PCDHA9: variants seen among roughly 807,000 people sequenced by gnomAD.
PCDHA9 encodes the protein protocadherin alpha 9, also known as protocadherin alpha-9.
In PCDHA9, 62 loss-of-function variants were observed where a neutral mutation model predicts 62.0. The observed-to-expected ratio is 1.00, with a 90% CI of 0.81 to 1.23. The LOEUF (loss-of-function observed/expected upper bound fraction) is 1.23, where lower values mean the gene tolerates loss of function less well. Among genes scored for constraint, PCDHA9 ranks in the 50% most tolerant of loss-of-function variants. PCDHA9 has a pLI of 0.00. For missense variants in PCDHA9, 1,205 were observed against 1,249.8 expected (o/e 0.96, Z 0.54); for synonymous variants, 557 against 567.6 (o/e 0.98, Z 0.27).
chr5:140,877,236 C>T, intron 1 of PCDHA9: 8 of 1,613,686 alleles, frequency 5.0e-6, no homozygotes, highest in Non-Finnish European at 6.8e-6. Context: ...TGGGTGCGGG[C>T]CACGTGGTGG....
chr5:140,915,312 C>T (rs781796761), intron 1 of PCDHA9, among the ~76,000 whole-genome samples: 2 of 152,122 alleles, frequency 1.3e-5, no homozygotes, highest in Non-Finnish European at 2.9e-5. Flanking sequence ...TTACATACCA[C>T]AATTACAGTG....
intron 1 of PCDHA9, chr5:140,878,010 A>G: frequency 2.4e-6 from 2 of 839,980 alleles, no homozygotes; most frequent in Non-Finnish European, 3.4e-6. Flanking sequence ...GTCTAACATT[A>G]ATGAAGGAAA....
intron 1 of PCDHA9, among the ~76,000 whole-genome samples, chr5:140,893,580 G>C (rs555518122): frequency 1.5e-4 from 23 of 152,268 alleles, no homozygotes; most frequent in East Asian, 1.2e-3. Flanking sequence ...GTTTTTGCTT[G>C]TTTGGGAAAT....
intron 1 of PCDHA9, among the ~76,000 whole-genome samples, chr5:140,913,152 T>G (rs2076232515): frequency 6.6e-6 from 1 of 152,178 alleles, no homozygotes; most frequent in Admixed American, 6.5e-5. Context: ...ATAGTTTGAG[T>G]AGGATTGGTA....
At chr5:140,920,923 G>C (rs1229531762) in intron 1 of PCDHA9, among the ~76,000 whole-genome samples, 5 of 151,200 alleles carry the variant, frequency 3.3e-5, no homozygotes, top group African/African-American at 1.2e-4. Flanking sequence ...TCCAAGAGTA[G>C]GTGATCTAGC....
chr5:140,854,198 CT>C, intron 1 of PCDHA9: 1 of 547,978 alleles, frequency 1.8e-6, no homozygotes, highest in Non-Finnish European at 2.3e-6. Flanking sequence ...CTACTCCCTA[CT>C]TTTTATTCAA....
At chr5:140,855,951 G>A (rs923077189) in intron 1 of PCDHA9, 2 of 1,372,088 alleles carry the variant, frequency 1.5e-6, no homozygotes, top group South Asian at 1.4e-5. Context: ...CAGCCATTTC[G>A]ATAAAAAATA....
At chr5:140,872,016 C>T (rs2053445167) in intron 1 of PCDHA9, among the ~76,000 whole-genome samples, 1 of 152,182 alleles carries the variant, frequency 6.6e-6, no homozygotes, top group Non-Finnish European at 1.5e-5. Flanking sequence ...TGACCTGTAG[C>T]CTGGAACTGC....
Position 140,873,357 on chromosome 5 carries a change from G to T in PCDHA9, c.2394+22468G>T, listed in dbSNP as rs564914388. On this transcript the variant is annotated intron_variant, in intron 1 of 3. Coordinates refer to ENST00000532602, the MANE Select transcript of PCDHA9 (RefSeq NM_031857.2). ...TACTCATCTCCAGATGAAATTTTTG[G>T]AATAACTGAAGATCTTTTAAAGACT... Among the ~76,000 whole-genome samples the T allele has an allele frequency of 2.0e-5, 3 of 152,172 alleles. No individual in the cohort carries two copies. In the South Asian group the frequency reaches 6.2e-4, roughly 32 times the overall value.
Position 140,982,458 on chromosome 5 carries a change from T to C in PCDHA9, c.2454-17T>C, listed in dbSNP as rs1554244201. 1 of 1,613,996 alleles carries C rather than the reference T, an allele frequency of 6.2e-7. No homozygotes were observed. Among genetic ancestry groups the C allele is most frequent in the Non-Finnish European group, 8.5e-7 (1 of 1,179,964 alleles). ...ATTTATGATCTAACCGTTATCTGGG[T>C]CTGTGTGTTTATTCAGCTCTGTGCA... On this transcript the variant is annotated splice_polypyrimidine_tract_variant and intron_variant, in intron 2 of 3. Transcript: ENST00000532602.
At chr5:141,004,156 A>G (rs2098155888) in intron 3 of PCDHA9, among the ~76,000 whole-genome samples, 1 of 152,248 alleles carries the variant, frequency 6.6e-6, no homozygotes, top group Admixed American at 6.5e-5. Flanking sequence ...GACATTTTAT[A>G]GGCAAAGCCA....
At chr5:140,966,882 C>A (rs782464160) in intron 1 of PCDHA9, 1 of 1,589,690 alleles carries the variant, frequency 6.3e-7, no homozygotes, top group Non-Finnish European at 8.5e-7. Context: ...CTACCTGGCC[C>A]TGCGGCCTCC....
intron 1 of PCDHA9, chr5:140,862,721 C>T (rs1019011354): frequency 3.5e-6 from 2 of 566,878 alleles, no homozygotes; most frequent in Admixed American, 3.8e-5. Context: ...GGCGAGTGCG[C>T]GCTGTCTAGC....
intron 1 of PCDHA9, among the ~76,000 whole-genome samples, chr5:140,907,747 G>A (rs782672220): frequency 7.9e-5 from 12 of 152,172 alleles, no homozygotes; most frequent in Admixed American, 2.0e-4. Flanking sequence ...TGGCCACTTT[G>A]TTCATGGGCC....
At position 140,848,439 on chromosome 5, in the gene PCDHA9, G is replaced by T; in HGVS notation, c.-57G>T. 4 of 1,486,148 alleles carry T rather than the reference G, an allele frequency of 2.7e-6. No homozygotes were observed. The highest frequency in any genetic ancestry group is 2.5e-5 in the South Asian group (2 of 79,116). 92.1% of individuals were successfully genotyped at this position (1,486,148 alleles called of 1,614,324 possible). On this transcript the variant is annotated 5_prime_UTR_variant, in exon 1 of 4. An upstream start codon of the reference 5' UTR is lost. Coordinates refer to ENST00000532602, the MANE Select transcript of PCDHA9 (RefSeq NM_031857.2). ...CAGAATGGGACTGACGAAATCAGAT[G>T]ATTTCTTCTAATTTGGAGGCAATTT...
intron 3 of PCDHA9, among the ~76,000 whole-genome samples, chr5:140,991,199 C>G (rs1554252002): frequency 6.6e-6 from 1 of 152,150 alleles, no homozygotes; most frequent in East Asian, 1.9e-4. Context: ...CAATGATGCT[C>G]AATAAATTTT....
chr5:140,988,673 A>G (rs2153876025), intron 3 of PCDHA9, among the ~76,000 whole-genome samples: 1 of 152,344 alleles, frequency 6.6e-6, no homozygotes, highest in South Asian at 2.1e-4. Context: ...AGACTCTAAG[A>G]TAATTCTTTC....
rs781863441 is a variant in PCDHA9 at position 140,858,454 on chromosome 5, C to A, written c.2394+7565C>A. The A allele has an allele frequency of 2.0e-6, 3 of 1,529,822 alleles. No homozygotes were observed. The South Asian group carries it at 3.6e-5, about 18-fold the overall frequency. The allele number at this position is 1,529,822 out of a possible 1,614,324, so 94.8% of individuals were successfully genotyped here. On this transcript the variant is annotated intron_variant, in intron 1 of 3. Coordinates refer to ENST00000532602, the MANE Select transcript of PCDHA9 (RefSeq NM_031857.2). ...CTAGGAAGGTGGGTTATTACGTTTT[C>A]ATTTTCCTTTTGTGCTTTATGAATA...
chr5:140,978,894 C>G, intron 1 of PCDHA9, 55 bp from the exon 2 acceptor site: 1 of 1,612,598 alleles, frequency 6.2e-7, no homozygotes, highest in South Asian at 1.1e-5. Flanking sequence ...AGCAGCATTC[C>G]TGGGAGAACA....
Sources: allele counts gnomAD v4.1 joint callset (sites outside exome capture counted in the v4.1 genomes callset), GRCh38; gene constraint gnomAD v4.1.1; transcripts MANE v1.5; gene names NCBI Gene and HGNC (gene_info 2026-07-23, HGNC 2026-07-21).